The following FANCC variants were observed in gnomAD, a reference collection of about 807,000 sequenced individuals.
FANCC encodes the protein FA complementation group C.
FANCC carries 55 observed loss-of-function variants against 71.3 expected under a neutral mutation model. That is an observed-to-expected ratio of 0.77 (90% confidence interval 0.62 to 0.97). The LOEUF (loss-of-function observed/expected upper bound fraction) is 0.97. FANCC is among the 50% of genes least tolerant of loss of function. FANCC has a pLI of 0.00. For synonymous variants in FANCC, 275 were observed against 244.9 expected (o/e 1.12, Z -1.15); for missense variants, 678 against 670.9 (o/e 1.01, Z -0.12).
chr9:95,198,659 G>A (rs377466866), intron 4 of FANCC, among the ~76,000 whole-genome samples: 15 of 152,224 alleles, frequency 9.9e-5, no homozygotes, highest in South Asian at 4.2e-4. Flanking sequence ...GCATGCATCC[G>A]TTCATGATGT....
At chr9:95,168,522 G>T (rs527501199) in intron 6 of FANCC, among the ~76,000 whole-genome samples, 9 of 152,148 alleles carry the variant, frequency 5.9e-5, no homozygotes, top group Non-Finnish European at 1.2e-4. Flanking sequence ...ATAATTCAAA[G>T]GTTTTAAATT....
At chr9:95,130,940 T>C (rs1826811774) in intron 8 of FANCC, among the ~76,000 whole-genome samples, 1 of 152,240 alleles carries the variant, frequency 6.6e-6, no homozygotes, top group Non-Finnish European at 1.5e-5. Context: ...CATTTGCTTC[T>C]TTTCTATTTT....
chr9:95,175,440 G>A (rs541374619), intron 4 of FANCC, among the ~76,000 whole-genome samples: 2 of 152,260 alleles, frequency 1.3e-5, no homozygotes, highest in Admixed American at 6.5e-5. Flanking sequence ...GAGAAGGATG[G>A]GGCCACTTGC....
rs566586982 is a variant in FANCC, at chr9:95,247,300, A to T, written c.250+132T>A. 1.5e-4 allele frequency: 109 copies of T among 727,808 alleles called. No homozygotes were observed. In the South Asian group the frequency reaches 1.7e-3, roughly 11 times the overall value. 45.1% of individuals were successfully genotyped at this position (727,808 alleles called of 1,614,324 possible). A position where few individuals can be genotyped will look rare whatever the true frequency, so the allele number is the denominator to read the frequency against. ...GTATAGGAAGCCATCTTTGTAATAG[A>T]ACAATGAATACATTTGATAAGTTGT... On this transcript the variant is annotated intron_variant, in intron 3 of 14. Coordinates refer to ENST00000289081, the MANE Select transcript of FANCC (RefSeq NM_000136.3).
At chr9:95,301,828 A>G (rs569158113) in intron 1 of FANCC, among the ~76,000 whole-genome samples, 3 of 151,886 alleles carry the variant, frequency 2.0e-5, no homozygotes, top group Non-Finnish European at 4.4e-5. Flanking sequence ...CTGTAATCCC[A>G]GCATTTTGGG....
intron 4 of FANCC, among the ~76,000 whole-genome samples, chr9:95,211,903 A>G (rs1417666687): frequency 1.3e-5 from 2 of 151,914 alleles, no homozygotes; most frequent in African/African-American, 4.8e-5. Context: ...TTCTACAGAT[A>G]TAGAATACAA....
chr9:95,168,230 A>T (rs1825432327), intron 6 of FANCC, among the ~76,000 whole-genome samples: 1 of 152,172 alleles, frequency 6.6e-6, no homozygotes, highest in Non-Finnish European at 1.5e-5. Context: ...GACAGATACC[A>T]GTCCCTCTAG....
At chr9:95,305,833 T>C (rs1416623878) in intron 1 of FANCC, among the ~76,000 whole-genome samples, 1 of 152,220 alleles carries the variant, frequency 6.6e-6, no homozygotes, top group Non-Finnish European at 1.5e-5. Flanking sequence ...TTCTCAGCCT[T>C]GAATTTGGTG....
chr9:95,179,718 A>G (rs533821956), intron 4 of FANCC, among the ~76,000 whole-genome samples: 1 of 152,368 alleles, frequency 6.6e-6, no homozygotes, highest in African/African-American at 2.4e-5. Context: ...AATAAAGATT[A>G]TACATGTCAA....
intron 1 of FANCC, among the ~76,000 whole-genome samples, chr9:95,284,823 A>G (rs1047407335): frequency 2.0e-5 from 3 of 152,012 alleles, no homozygotes; most frequent in Non-Finnish European, 4.4e-5. Flanking sequence ...ATAACACAGG[A>G]AAGTATCATT....
intron 8 of FANCC, 156 bp from the exon 9 acceptor site, chr9:95,126,737 C>T (rs536994779): frequency 2.2e-5 from 16 of 723,284 alleles, no homozygotes; most frequent in African/African-American, 1.9e-4. Flanking sequence ...GTACTGAAAA[C>T]GCCCCACATA....
At chr9:95,317,493 C>A (rs4647351) in intron 1 of FANCC, 33 bp downstream of exon 1, 3,439 of 152,474 alleles carry the variant, frequency 0.023, 57 homozygotes, top group Non-Finnish European at 0.034. Context: ...GGGAAGCCTC[C>A]GCCCTCGCTG....
intron 4 of FANCC, among the ~76,000 whole-genome samples, chr9:95,211,908 A>C (rs892857474): frequency 1.3e-5 from 2 of 152,150 alleles, no homozygotes; most frequent in South Asian, 2.1e-4. Flanking sequence ...CAGATATAGA[A>C]TACAATATAT....
chr9:95,154,035 C>A lies in FANCC; in HGVS notation c.522-3948G>T, dbSNP rs371627846. Among the ~76,000 whole-genome samples the A allele has an allele frequency of 3.9e-5, 6 of 151,950 alleles. No individual in the cohort carries two copies. In the East Asian group the frequency reaches 1.2e-3, roughly 29 times the overall value. On this transcript the variant is annotated intron_variant, in intron 6 of 14. Coordinates refer to ENST00000289081, the MANE Select transcript of FANCC (RefSeq NM_000136.3). ...CCGAGGAGGGCAGATCACCTGAGGT[C>A]AGGAGTACGAGACCAGCCTGATCAA...
intron 1 of FANCC, among the ~76,000 whole-genome samples, chr9:95,273,906 G>A (rs1832884480): frequency 6.6e-6 from 1 of 152,186 alleles, no homozygotes; most frequent in Non-Finnish European, 1.5e-5. Context: ...TATGCATAGA[G>A]GAACTCAAGA....
intron 8 of FANCC, among the ~76,000 whole-genome samples, chr9:95,127,844 A>AG (rs1826244906): frequency 6.6e-6 from 1 of 152,122 alleles, no homozygotes; most frequent in African/African-American, 2.4e-5. Context: ...GCACTGCTGG[A>AG]CCCGCCGGGC....
intron 1 of FANCC, chr9:95,292,528 C>T: frequency 6.7e-7 from 1 of 1,483,000 alleles, no homozygotes; most frequent in Non-Finnish European, 9.0e-7. Flanking sequence ...TCCGTGCTGG[C>T]GGGGGAGCTG....
chr9:95,155,590 T>C (rs984505647), intron 6 of FANCC, among the ~76,000 whole-genome samples: 2 of 152,124 alleles, frequency 1.3e-5, no homozygotes, highest in South Asian at 4.2e-4. Context: ...GGTATTTCTA[T>C]AGAATTATTT....
chr9:95,245,885 C>CA (rs1470839040), intron 3 of FANCC, among the ~76,000 whole-genome samples: 1 of 141,754 alleles, frequency 7.1e-6, no homozygotes, highest in African/African-American at 2.6e-5. Context: ...TTGACAAGAG[C>CA]AAAACTCTGT....
Sources: gnomAD v4.1 joint callset for allele counts (sites outside exome capture counted in the v4.1 genomes callset) on GRCh38, gnomAD v4.1.1 for gene constraint, MANE v1.5 for transcripts, NCBI Gene and HGNC (gene_info 2026-07-23, HGNC 2026-07-21) for gene names.